KCNQ5: variants seen among roughly 807,000 people sequenced by gnomAD.
The protein encoded by KCNQ5 is potassium voltage-gated channel subfamily Q member 5.
KCNQ5 carries 30 observed loss-of-function variants against 98.2 expected under a neutral mutation model. That is an observed-to-expected ratio of 0.31 (90% CI 0.23 to 0.41). KCNQ5 has a LOEUF of 0.41. KCNQ5 is among the 10% of genes least tolerant of loss of function. KCNQ5 has a pLI of 1.00. For missense variants in KCNQ5, 835 were observed against 1,182.5 expected, an observed-to-expected ratio of 0.71 and a Z score of 4.31; for synonymous variants, 458 against 449.4, an observed-to-expected ratio of 1.02 and a Z score of -0.24.
intron 10 of KCNQ5, among the ~76,000 whole-genome samples, chr6:73,157,204 T>C (rs1339226995): frequency 6.6e-6 from 1 of 152,050 alleles, no homozygotes; most frequent in African/African-American, 2.4e-5. Context: ...CGAAGCAAAG[T>C]TGGGTGGGAG....
chr6:73,102,206 T>C (rs1774806410), intron 5 of KCNQ5, among the ~76,000 whole-genome samples: 1 of 152,084 alleles, frequency 6.6e-6, no homozygotes, highest in Non-Finnish European at 1.5e-5. Flanking sequence ...TGAAGAAGAA[T>C]GAAATTAGAC....
chr6:72,895,036 T>G (rs1235688066), intron 1 of KCNQ5, among the ~76,000 whole-genome samples: 1 of 149,752 alleles, frequency 6.7e-6, no homozygotes, highest in Non-Finnish European at 1.5e-5. Flanking sequence ...TCCCAGACTT[T>G]GGGAGGCCGA....
chr6:72,668,824 C>A (rs1406215825), intron 1 of KCNQ5, among the ~76,000 whole-genome samples: 1 of 151,152 alleles, frequency 6.6e-6, no homozygotes, highest in Non-Finnish European at 1.5e-5. Context: ...GTAACCACAT[C>A]AGCCAGCACC....
chr6:72,876,533 A>T (rs952537794), intron 1 of KCNQ5, among the ~76,000 whole-genome samples: 2 of 152,220 alleles, frequency 1.3e-5, no homozygotes, highest in African/African-American at 4.8e-5. Context: ...ATATTGATTT[A>T]AAATTAAGGT....
chr6:73,154,633 A>G (rs1372033970), intron 10 of KCNQ5, among the ~76,000 whole-genome samples: 6 of 152,192 alleles, frequency 3.9e-5, no homozygotes, highest in African/African-American at 1.4e-4. Context: ...AAGAATTTAA[A>G]GTGGGCTTAC....
rs766481238 is a variant in KCNQ5 at position 73,190,603 on chromosome 6, G to A, written c.1608G>A (p.Lys536=). ...TGAAATTTCATGTTGCAAAACGGAAGTTTAAGGAAACATTACGTCCATATG... is the reference window on the plus strand; with the variant it reads ...TGAAATTTCATGTTGCAAAACGGAAATTTAAGGAAACATTACGTCCATATG... ...RIMKFHVAKR[K]FKETLRPYDV... Residue 536 remains lysine, a synonymous_variant, in exon 12 of 14, where the codon AAG becomes AAA. Coordinates refer to ENST00000370398, the MANE Select transcript of KCNQ5 (RefSeq NM_019842.4). 2 of 1,549,116 alleles carry A rather than the reference G, an allele frequency of 1.3e-6. No homozygotes were observed. Among genetic ancestry groups the A allele is most frequent in the South Asian group, 2.4e-5 (2 of 82,804 alleles).
intron 1 of KCNQ5, among the ~76,000 whole-genome samples, chr6:72,966,525 C>T (rs1767621902): frequency 2.0e-5 from 3 of 151,852 alleles, no homozygotes; most frequent in Admixed American, 2.0e-4. Context: ...GCAAGATCAC[C>T]ACACTGCACT....
At chr6:72,851,997 C>T (rs1378652958) in intron 1 of KCNQ5, among the ~76,000 whole-genome samples, 1 of 152,030 alleles carries the variant, frequency 6.6e-6, no homozygotes, top group Non-Finnish European at 1.5e-5. Flanking sequence ...TATAACTACA[C>T]ATACACATAC....
At chr6:73,127,750 C>G (rs1199386266) in intron 9 of KCNQ5, among the ~76,000 whole-genome samples, 1 of 152,194 alleles carries the variant, frequency 6.6e-6, no homozygotes, top group African/African-American at 2.4e-5. Flanking sequence ...TTATTTATGA[C>G]AGATCCAAAA....
At chr6:73,035,130 C>A (rs1452482702) in intron 2 of KCNQ5, among the ~76,000 whole-genome samples, 1 of 152,030 alleles carries the variant, frequency 6.6e-6, no homozygotes, top group African/African-American at 2.4e-5. Context: ...CAGGTGTGAA[C>A]CACCGCGCCC....
At chr6:72,799,162 G>C (rs567757542) in intron 1 of KCNQ5, among the ~76,000 whole-genome samples, 1 of 152,200 alleles carries the variant, frequency 6.6e-6, no homozygotes, top group East Asian at 1.9e-4. Flanking sequence ...GTGGGGACTG[G>C]GAAGTCTGAA....
intron 2 of KCNQ5, among the ~76,000 whole-genome samples, chr6:73,024,414 G>GATAGATAGATAGATAGATAGATAGATAC (rs1369449554): frequency 2.0e-5 from 3 of 152,024 alleles, no homozygotes; most frequent in African/African-American, 4.8e-5. Flanking sequence ...TAGATAGATA[G>GATAGATAGATAGATAGATAGATAGATAC]ATAGTTGATA....
intron 1 of KCNQ5, among the ~76,000 whole-genome samples, chr6:72,943,958 G>C (rs1164903179): frequency 1.3e-5 from 2 of 152,154 alleles, no homozygotes; most frequent in African/African-American, 4.8e-5. Context: ...TACAGATAAA[G>C]ACATTTAGAA....
Position 72,719,196 on chromosome 6 carries a change from C to A in KCNQ5, c.398+96609C>A, listed in dbSNP as rs182417170. The stretch of plus-strand genomic sequence containing the variant: ...TGAATTCCCGTTCAGATATTTAGAC[C>A]AACTTTTCTGATGGAAAAGTATTCT... On this transcript the variant is annotated intron_variant, in intron 1 of 13. Coordinates refer to ENST00000370398, the MANE Select transcript of KCNQ5 (RefSeq NM_019842.4). 5.9e-4 allele frequency among the ~76,000 whole-genome samples: 90 copies of A among 152,246 alleles called. 1 individual carries two copies. In the East Asian group the frequency reaches 0.014, roughly 23 times the overall value.
chr6:73,144,173 T>G (rs1303918590), intron 10 of KCNQ5, among the ~76,000 whole-genome samples: 1 of 152,192 alleles, frequency 6.6e-6, no homozygotes, highest in South Asian at 2.1e-4. Context: ...GGGAAAGAGA[T>G]GAGTTACCCA....
chr6:73,108,463 C>T (rs1001038933), intron 6 of KCNQ5, among the ~76,000 whole-genome samples: 23 of 152,150 alleles, frequency 1.5e-4, no homozygotes, highest in African/African-American at 5.6e-4. Context: ...ATATTGGCCA[C>T]TGTAATCCTT....
intron 1 of KCNQ5, among the ~76,000 whole-genome samples, chr6:72,671,668 A>C (rs1248082246): frequency 6.6e-6 from 1 of 152,230 alleles, no homozygotes; most frequent in East Asian, 1.9e-4. Flanking sequence ...TAGGATTATC[A>C]AAAATGTAAC....
At chr6:73,018,177 A>G (rs1446402698) in intron 2 of KCNQ5, among the ~76,000 whole-genome samples, 2 of 152,174 alleles carry the variant, frequency 1.3e-5, no homozygotes, top group African/African-American at 4.8e-5. Flanking sequence ...TGAGTTAATT[A>G]CACCTCTATA....
At chr6:73,021,899 CT>C (rs933761459) in intron 2 of KCNQ5, among the ~76,000 whole-genome samples, 2 of 152,032 alleles carry the variant, frequency 1.3e-5, no homozygotes, top group South Asian at 2.1e-4. Flanking sequence ...TTTTGTGCCT[CT>C]TTTTTTTCAC....
Sources: gnomAD v4.1 joint callset for allele counts (sites outside exome capture counted in the v4.1 genomes callset) on GRCh38, gnomAD v4.1.1 for gene constraint, MANE v1.5 for transcripts, NCBI Gene and HGNC (gene_info 2026-07-23, HGNC 2026-07-21) for gene names.